PISD: variants seen among roughly 807,000 people sequenced by gnomAD.
The protein encoded by PISD is phosphatidylserine decarboxylase proenzyme, mitochondrial.
PISD carries 31 observed loss-of-function variants against 43.5 expected under a neutral mutation model. That is an observed-to-expected ratio of 0.71 (90% confidence interval 0.54 to 0.96). The LOEUF (loss-of-function observed/expected upper bound fraction) is 0.96, where lower values mean the gene tolerates loss of function less well. Ranked by LOEUF, PISD falls within the 40% of genes least tolerant of loss-of-function variation. The pLI is 0.00. For synonymous variants in PISD, 259 were observed against 228.7 expected (o/e 1.13, Z -1.20); for missense variants, 523 against 548.4 (o/e 0.95, Z 0.46).
At chr22:31,632,811 G>C (rs2073264821) in intron 3 of PISD, among the ~76,000 whole-genome samples, 5 of 152,164 alleles carry the variant, frequency 3.3e-5, no homozygotes, top group Admixed American at 3.3e-4. Context: ...CATTTCAATG[G>C]TTAATATTAG....
intron 3 of PISD, among the ~76,000 whole-genome samples, chr22:31,645,766 G>A (rs927139146): frequency 1.3e-5 from 2 of 149,152 alleles, no homozygotes; most frequent in South Asian, 2.1e-4. Flanking sequence ...GGCTGAGGTG[G>A]GAGACGCTTG....
chr22:31,647,929 C>G (rs1197981829), intron 3 of PISD, among the ~76,000 whole-genome samples, 172 bp downstream of exon 3: 1 of 152,214 alleles, frequency 6.6e-6, no homozygotes, highest in African/African-American at 2.4e-5. Flanking sequence ...AGAAGACAAG[C>G]TTGACTTGAC....
intron 3 of PISD, among the ~76,000 whole-genome samples, chr22:31,646,913 C>T (rs1453526764): frequency 6.6e-6 from 1 of 151,870 alleles, no homozygotes; most frequent in Non-Finnish European, 1.5e-5. Flanking sequence ...AAGCCCAAGG[C>T]GTACGAACAG....
chr22:31,648,615 C>T lies in PISD; in HGVS notation c.146-339G>A, dbSNP rs550677432. Among the ~76,000 whole-genome samples the T allele has an allele frequency of 4.0e-5, 6 of 149,834 alleles. No individual in the cohort carries two copies. In the South Asian group the frequency reaches 1.1e-3, roughly 26 times the overall value. ...CTGGGAGGCGGAGCTTGCAGTGAGC[C>T]GAGACTGCACCACTGCACTCCAGCC... On this transcript the variant is annotated intron_variant, in intron 2 of 7. Coordinates refer to ENST00000439502, the MANE Select transcript of PISD (RefSeq NM_001326411.2).
intron 3 of PISD, among the ~76,000 whole-genome samples, chr22:31,622,772 C>T (rs1013714233): frequency 2.6e-5 from 4 of 152,230 alleles, no homozygotes; most frequent in Admixed American, 1.3e-4. Context: ...CAGAGCTCTC[C>T]GGCAGGGCCA....
At chr22:31,636,603 G>A (rs903170744) in intron 3 of PISD, among the ~76,000 whole-genome samples, 6 of 148,810 alleles carry the variant, frequency 4.0e-5, no homozygotes, top group Admixed American at 1.3e-4. Context: ...GCAGTGGCAC[G>A]ATCTCGGCTC....
rs576598347 is a variant in PISD at position 31,662,036 on chromosome 22, C to T, written c.65+108G>A. On this transcript the variant is annotated intron_variant, in intron 1 of 7. Coordinates refer to ENST00000439502, the MANE Select transcript of PISD (RefSeq NM_001326411.2). ...CGAGGTGAAGGTGGCTCCGTCTCCA[C>T]CCGAGCTCGCCTCAGAGCGAGCCCG... 10 of 1,018,268 alleles carry T rather than the reference C, an allele frequency of 9.8e-6. No individual in the cohort carries two copies. The East Asian group carries it at 1.9e-4, about 20-fold the overall frequency. 63.1% of individuals were successfully genotyped at this position (1,018,268 alleles called of 1,614,324 possible).
At position 31,648,166 on chromosome 22, in the gene PISD, A is replaced by G; in HGVS notation, c.256T>C (p.Tyr86His). The change falls in exon 3 of 8, where the codon TAC becomes CAC. Residue 86 changes from tyrosine (Y) to histidine (H), a missense_variant. Physicochemically the swap from Tyr to His is moderately conservative, Grantham distance 83 (BLOSUM62 2). Coordinates refer to ENST00000439502, the MANE Select transcript of PISD (RefSeq NM_001326411.2). ...GYAGYRQYEK[Y>H]RERELEKLGL... ...AGCTTCTCCAGCTCTCGCTCCCTGT[A>G]CTTCTCATACTGCCGGTACCCTGCA... 1 of 1,612,518 alleles carries G rather than the reference A, an allele frequency of 6.2e-7. No homozygotes were observed. The highest frequency in any genetic ancestry group is 2.2e-5 in the East Asian group (1 of 44,882).
chr22:31,623,305 G>A (rs1042890127), intron 3 of PISD, among the ~76,000 whole-genome samples: 2 of 152,176 alleles, frequency 1.3e-5, no homozygotes, highest in South Asian at 2.1e-4. Flanking sequence ...TTGGCATCCC[G>A]GAATTAATTT....
chr22:31,623,741 G>A, intron 3 of PISD: 1 of 1,614,196 alleles, frequency 6.2e-7, no homozygotes, highest in Non-Finnish European at 8.5e-7. Flanking sequence ...CGAAGGGCAG[G>A]AGGTAGTAGA....
At chr22:31,638,680 T>C in intron 3 of PISD, 1 of 948,860 alleles carries the variant, frequency 1.1e-6, no homozygotes, top group Non-Finnish European at 1.3e-6. Context: ...AGAGGCATGG[T>C]TTTGCTATGT....
intron 3 of PISD, among the ~76,000 whole-genome samples, chr22:31,636,076 G>A (rs55648708): frequency 0.049 from 7,431 of 152,278 alleles, 168 homozygotes; most frequent in African/African-American, 0.063. Context: ...TGGAGAACAC[G>A]TCCGATACTG....
chr22:31,621,956 T>C, intron 3 of PISD, 71 bp from the exon 4 acceptor site: 1 of 1,150,862 alleles, frequency 8.7e-7, no homozygotes, highest in South Asian at 1.2e-5. Flanking sequence ...GTAGTGTCAT[T>C]AGCCCAGCTC....
rs978400778 is a variant in PISD at position 31,621,905 on chromosome 22, G to A, written c.322-20C>T. On this transcript the variant is annotated intron_variant, in intron 3 of 7. Coordinates refer to ENST00000439502, the MANE Select transcript of PISD (RefSeq NM_001326411.2). ...AGCCACCTGCAGGCCACAGGGCAAG[G>A]GGCTGAGTTGACCACACTGCCCCAG... 2 of 1,575,302 alleles carry A rather than the reference G, an allele frequency of 1.3e-6. No individual in the cohort carries two copies. The highest frequency in any genetic ancestry group is 8.7e-7 in the Non-Finnish European group (1 of 1,154,704).
chr22:31,624,754 C>T (rs1195176397), intron 3 of PISD, among the ~76,000 whole-genome samples: 1 of 130,400 alleles, frequency 7.7e-6, no homozygotes, highest in Non-Finnish European at 1.7e-5. Context: ...CACACACACA[C>T]ACGAGACCCA....
In PISD at chr22:31,621,025, C is replaced by T; in HGVS notation, c.815G>A (p.Trp272Ter). The T allele has an allele frequency of 6.2e-7, 1 of 1,613,784 alleles. No homozygotes were observed. ...GAAGTGGCGCCGGTGGGACACAGTC[C>T]AGTCGGTGGGGGAGTGGAAGCAGTG... ...DYHCFHSPTD[W>*]TVSHRRHFPG... Residue 272 changes from tryptophan to a stop codon, truncating the protein, a stop_gained, in exon 6 of 8, where the codon TGG becomes TAG. Transcript: ENST00000439502. LOFTEE classifies it high-confidence loss of function.
chr22:31,657,973 GTCTT>G (rs2074225371), intron 1 of PISD, among the ~76,000 whole-genome samples: 1 of 152,146 alleles, frequency 6.6e-6, no homozygotes, highest in African/African-American at 2.4e-5. Flanking sequence ...TGCAAAGTTT[GTCTT>G]TCTGTTGAGC....
At chr22:31,661,917 C>G (rs1048661927) in intron 1 of PISD, among the ~76,000 whole-genome samples, 4 of 152,168 alleles carry the variant, frequency 2.6e-5, no homozygotes, top group Non-Finnish European at 5.9e-5. Flanking sequence ...TGAACTTCCA[C>G]CTAGCTGGAA....
chr22:31,662,350 T>TC, upstream of PISD: 1 of 810,910 alleles, frequency 1.2e-6, no homozygotes. Flanking sequence ...CTGTGGCTAC[T>TC]CCCCACCTAA....
Sources: gnomAD v4.1 joint callset for allele counts (sites outside exome capture counted in the v4.1 genomes callset) on GRCh38, gnomAD v4.1.1 for gene constraint, MANE v1.5 for transcripts, NCBI Gene and HGNC (gene_info 2026-07-23, HGNC 2026-07-21) for gene names.